The following FGF13 variants were observed in gnomAD, a reference collection of about 807,000 sequenced individuals.
The protein encoded by FGF13 is fibroblast growth factor 13.
Under a neutral mutation model 19.5 loss-of-function variants are expected in FGF13, and 2 were observed. That is an observed-to-expected ratio of 0.10 (90% confidence interval 0.04 to 0.32). The LOEUF (loss-of-function observed/expected upper bound fraction) is 0.32. Among genes scored for constraint, FGF13 ranks in the 10% least tolerant of loss-of-function variants. The pLI is 1.00. For synonymous variants in FGF13, 72 were observed against 76.9 expected (o/e 0.94, Z 0.33); for missense variants, 113 against 192.7 (o/e 0.59, Z 2.45).
intron 3 of FGF13, among the ~76,000 whole-genome samples, chrX:138,655,270 G>A (rs1340764771): frequency 9.0e-6 from 1 of 111,714 alleles, no homozygotes; most frequent in Non-Finnish European, 1.9e-5. Flanking sequence ...TTAATTCAAT[G>A]TCTGTTCAAT....
chrX:138,673,149 G>A (rs2089631010), intron 3 of FGF13, among the ~76,000 whole-genome samples: 1 of 111,382 alleles, frequency 9.0e-6, no homozygotes, highest in Admixed American at 9.6e-5. Context: ...AATACTTTCA[G>A]GGATTTTGCT....
chrX:138,773,868 C>A (rs866303129), intron 3 of FGF13, among the ~76,000 whole-genome samples: 4 of 112,050 alleles, frequency 3.6e-5, no homozygotes, highest in Non-Finnish European at 7.5e-5. Context: ...TTCTGTCCAG[C>A]TATTTCAGCT....
chrX:139,102,654 C>T (rs1319601150), intron 1 of FGF13, among the ~76,000 whole-genome samples: 1 of 112,223 alleles, frequency 8.9e-6, no homozygotes, highest in African/African-American at 3.2e-5. Context: ...ATAAGTCATA[C>T]TTGATCCCTG....
chrX:138,931,506 C>T (rs2091701348), intron 1 of FGF13, among the ~76,000 whole-genome samples: 2 of 111,954 alleles, frequency 1.8e-5, no homozygotes, highest in African/African-American at 3.3e-5. Flanking sequence ...TGAACTAACA[C>T]CTCCAAGCTG....
chrX:138,889,241 C>T lies in FGF13; in HGVS notation c.-112-24591G>A, dbSNP rs189145999. On this transcript the variant is annotated intron_variant, in intron 1 of 2. Coordinates refer to the FGF13 transcript ENST00000421460. Reference sequence around the variant, plus strand: ...TGGCCAAATCCAAATAGGCTAGTAACACAAAGCATTTCTTCCCTCTGCAAA... The same window carrying T: ...TGGCCAAATCCAAATAGGCTAGTAATACAAAGCATTTCTTCCCTCTGCAAA... Among the ~76,000 whole-genome samples the T allele has an allele frequency of 3.9e-3, 439 of 111,729 alleles. 3 individuals are homozygous for T. The highest frequency in any genetic ancestry group is 5.8e-3 in the Non-Finnish European group (308 of 53,156).
chrX:138,851,477 T>C (rs1166493730), intron 3 of FGF13, among the ~76,000 whole-genome samples: 1 of 111,997 alleles, frequency 8.9e-6, no homozygotes, highest in Non-Finnish European at 1.9e-5. Flanking sequence ...GATTTGCATT[T>C]CTCTAATGAC....
At chrX:138,671,613 T>C (rs2089612375) in intron 3 of FGF13, among the ~76,000 whole-genome samples, 1 of 111,164 alleles carries the variant, frequency 9.0e-6, no homozygotes, top group Admixed American at 9.6e-5. Flanking sequence ...GACATTCTAG[T>C]AGAGGAAGAC....
chrX:138,661,652 A>G lies in FGF13; in HGVS notation c.403-25997T>C, dbSNP rs183728697. Among the ~76,000 whole-genome samples the G allele has an allele frequency of 2.1e-3, 238 of 112,010 alleles. 2 individuals are homozygous for G. Among genetic ancestry groups the G allele is most frequent in the African/African-American group, 7.4e-3 (228 of 30,875 alleles). On this transcript the variant is annotated intron_variant, in intron 3 of 4. Transcript: ENST00000315930. ...GATAGAAATTTAATTTCTCTGCCTC[A>G]GAGTACTTTGGTAAAAGAAAATGAG...
At chrX:138,801,377 T>C (rs2090827924) in intron 3 of FGF13, among the ~76,000 whole-genome samples, 1 of 112,111 alleles carries the variant, frequency 8.9e-6, no homozygotes, top group Non-Finnish European at 1.9e-5. Flanking sequence ...GGGAAGTCCA[T>C]GCCAGGTCCT....
intron 1 of FGF13, among the ~76,000 whole-genome samples, chrX:138,979,598 C>A (rs2091955172): frequency 9.1e-6 from 1 of 110,047 alleles, no homozygotes; most frequent in African/African-American, 3.3e-5. Context: ...GACAGACATA[C>A]TTCTCATCCT....
At chrX:138,815,773 A>T (rs967989781) in intron 3 of FGF13, among the ~76,000 whole-genome samples, 9 of 107,030 alleles carry the variant, frequency 8.4e-5, no homozygotes, top group East Asian at 2.9e-4. Flanking sequence ...AGTATAATTT[A>T]AAAAAAAAAG....
chrX:138,712,511 C>G (rs1452307895), upstream of FGF13, among the ~76,000 whole-genome samples: 1 of 111,269 alleles, frequency 9.0e-6, no homozygotes, highest in African/African-American at 3.3e-5. Context: ...CTCCTTCCCT[C>G]CAATTCAGGA....
intron 1 of FGF13, among the ~76,000 whole-genome samples, chrX:138,953,905 C>T (rs1343444540): frequency 2.7e-5 from 3 of 109,820 alleles, no homozygotes; most frequent in Non-Finnish European, 5.7e-5. Context: ...AATAAATAAA[C>T]ATAGAAAAGC....
chrX:139,062,843 T>G (rs1222963474), intron 1 of FGF13, among the ~76,000 whole-genome samples: 1 of 111,975 alleles, frequency 8.9e-6, no homozygotes, highest in African/African-American at 3.2e-5. Flanking sequence ...TAAGTTGAAT[T>G]TTGCTTAAGC....
intron 1 of FGF13, among the ~76,000 whole-genome samples, chrX:139,200,372 G>A (rs2084405934): frequency 8.9e-6 from 1 of 112,379 alleles, no homozygotes; most frequent in Non-Finnish European, 1.9e-5. Flanking sequence ...CATGACCACA[G>A]TGACCTGTCC....
At chrX:138,968,942 G>C (rs1201033193) in intron 1 of FGF13, among the ~76,000 whole-genome samples, 1 of 112,278 alleles carries the variant, frequency 8.9e-6, no homozygotes, top group Non-Finnish European at 1.9e-5. Flanking sequence ...AATATACCCA[G>C]TATCTAAACA....
chrX:139,146,898 T>C (rs1437779818), intron 1 of FGF13, among the ~76,000 whole-genome samples: 1 of 106,203 alleles, frequency 9.4e-6, no homozygotes, highest in Non-Finnish European at 1.9e-5. Flanking sequence ...ATGTTCTCAC[T>C]CATAGGTGGG....
At chrX:138,935,683 A>G (rs1164221515) in intron 1 of FGF13, among the ~76,000 whole-genome samples, 1 of 111,557 alleles carries the variant, frequency 9.0e-6, no homozygotes, top group African/African-American at 3.3e-5. Context: ...GTATAGTTCT[A>G]TGAGTTTTAA....
intron 3 of FGF13, among the ~76,000 whole-genome samples, chrX:138,840,404 T>C (rs1025659228): frequency 1.8e-5 from 2 of 112,059 alleles, no homozygotes; most frequent in Admixed American, 1.9e-4. Flanking sequence ...AGAATATGGA[T>C]TGCTGTTCAG....
Sources: gnomAD v4.1 joint callset for allele counts (sites outside exome capture counted in the v4.1 genomes callset) on GRCh38, gnomAD v4.1.1 for gene constraint, MANE v1.5 for transcripts, NCBI Gene and HGNC (gene_info 2026-07-23, HGNC 2026-07-21) for gene names.